The following SHANK2 variants were observed in gnomAD, a reference collection of about 807,000 sequenced individuals.
SHANK2 encodes SH3 and multiple ankyrin repeat domains 2, also known as SH3 and multiple ankyrin repeat domains protein 2.
In SHANK2, 43 loss-of-function variants were observed where a neutral mutation model predicts 133.7. The observed-to-expected ratio is 0.32, with a 90% CI of 0.25 to 0.41. SHANK2 has a LOEUF of 0.41. Ranked by LOEUF, SHANK2 falls within the 10% of genes least tolerant of loss-of-function variation. SHANK2 has a pLI of 1.00. For missense variants in SHANK2, 1,994 were observed against 2,235.8 expected (o/e 0.89, Z 2.18); for synonymous variants, 1,017 against 952.8 (o/e 1.07, Z -1.24).
chr11:70,841,186 G>A (rs888804019), intron 11 of SHANK2, among the ~76,000 whole-genome samples: 3 of 152,158 alleles, frequency 2.0e-5, no homozygotes, highest in Non-Finnish European at 4.4e-5. Context: ...CAGGAGAATC[G>A]CTTGAACCTG....
chr11:70,791,825 G>C (rs1947792099), intron 14 of SHANK2, among the ~76,000 whole-genome samples: 2 of 152,194 alleles, frequency 1.3e-5, no homozygotes. Flanking sequence ...CTATCTGTGT[G>C]CTCCGACATG....
At chr11:70,933,066 A>G (rs1950523491) in intron 10 of SHANK2, 2 of 454,034 alleles carry the variant, frequency 4.4e-6, no homozygotes, top group Non-Finnish European at 8.9e-6. Context: ...TTGCACACTC[A>G]TGTCCACAGC....
intron 2 of SHANK2, among the ~76,000 whole-genome samples, chr11:71,171,048 A>G (rs542154597): frequency 3.2e-4 from 48 of 152,326 alleles, no homozygotes; most frequent in Admixed American, 7.8e-4. Context: ...CCTGGCTCGT[A>G]GACGGCCAAC....
At chr11:70,926,786 C>T (rs911288952) in intron 10 of SHANK2, among the ~76,000 whole-genome samples, 1 of 152,236 alleles carries the variant, frequency 6.6e-6, no homozygotes, top group Non-Finnish European at 1.5e-5. Context: ...GTGAATAACT[C>T]TGAAGGCGCA....
chr11:70,526,010 C>G (rs1289155451), intron 17 of SHANK2, among the ~76,000 whole-genome samples: 4 of 124,798 alleles, frequency 3.2e-5, no homozygotes, highest in African/African-American at 1.2e-4. Flanking sequence ...CCCCACCCAC[C>G]TTTTCAATTC....
chr11:70,907,050 G>A (rs574156927), intron 10 of SHANK2, among the ~76,000 whole-genome samples: 3 of 152,200 alleles, frequency 2.0e-5, no homozygotes, highest in African/African-American at 7.2e-5. Flanking sequence ...ATAGAGCCAG[G>A]GCTGACTCAA....
At chr11:71,218,299 T>C (rs1555120407) in intron 2 of SHANK2, among the ~76,000 whole-genome samples, 1 of 149,930 alleles carries the variant, frequency 6.7e-6, no homozygotes, top group East Asian at 2.0e-4. Flanking sequence ...AGTTTTGCTC[T>C]TCTTGCCCAC....
chr11:70,906,432 T>A (rs2135706932), intron 10 of SHANK2, among the ~76,000 whole-genome samples: 1 of 152,210 alleles, frequency 6.6e-6, no homozygotes, highest in South Asian at 2.1e-4. Flanking sequence ...TCTCTCCTCA[T>A]CACTTGCTCA....
At chr11:70,941,217 T>A (rs539617126) in intron 10 of SHANK2, among the ~76,000 whole-genome samples, 1 of 152,272 alleles carries the variant, frequency 6.6e-6, no homozygotes, top group South Asian at 2.1e-4. Context: ...ATACACGTAG[T>A]CCTCTCTCCC....
At chr11:70,729,438 C>T (rs1555031518) in intron 14 of SHANK2, among the ~76,000 whole-genome samples, 1 of 151,842 alleles carries the variant, frequency 6.6e-6, no homozygotes, top group African/African-American at 2.4e-5. Flanking sequence ...CTTTTGGGAT[C>T]TAAAAGTATT....
chr11:70,506,936 C>T (rs782092922), intron 17 of SHANK2, among the ~76,000 whole-genome samples: 1 of 152,240 alleles, frequency 6.6e-6, no homozygotes, highest in Non-Finnish European at 1.5e-5. Flanking sequence ...TAGGATGTTC[C>T]CTTTGGTCCC....
At chr11:71,103,953 C>A (rs1555097247) in intron 6 of SHANK2, among the ~76,000 whole-genome samples, 1 of 150,094 alleles carries the variant, frequency 6.7e-6, no homozygotes, top group South Asian at 2.1e-4. Context: ...CTTGCTTTTG[C>A]CATGCAATGC....
chr11:71,070,272 A>AAGG (rs1466836801), intron 9 of SHANK2, among the ~76,000 whole-genome samples: 78 of 152,260 alleles, frequency 5.1e-4, no homozygotes, highest in African/African-American at 1.8e-3. Flanking sequence ...CTAGAACCCT[A>AAGG]AGGAGGAGTA....
intron 2 of SHANK2, among the ~76,000 whole-genome samples, chr11:71,186,525 G>A (rs1953675678): frequency 1.3e-5 from 2 of 152,334 alleles, no homozygotes; most frequent in African/African-American, 4.8e-5. Context: ...AGGGCACCGT[G>A]TGCCCACAGC....
chr11:70,785,193 A>G (rs1947622061), intron 14 of SHANK2, among the ~76,000 whole-genome samples: 1 of 152,124 alleles, frequency 6.6e-6, no homozygotes, highest in South Asian at 2.1e-4. Context: ...AGGGGACAGG[A>G]GACCTGCACA....
chr11:70,698,632 G>C (rs1945451419), intron 15 of SHANK2, 56 bp downstream of exon 15: 2 of 718,062 alleles, frequency 2.8e-6, no homozygotes, highest in South Asian at 3.0e-5. Flanking sequence ...AGCATTTGCA[G>C]CACAGACGAA....
In SHANK2 at chr11:70,485,819, C is replaced by T. The variant is rs1262197152; in HGVS notation, c.4474G>A (p.Glu1492Lys). The change falls in exon 25 of 26, where the codon GAG becomes AAG. Residue 1492 changes from glutamate to lysine, a missense_variant. Coordinates refer to ENST00000601538, the MANE Select transcript of SHANK2 (RefSeq NM_012309.5). The surrounding 1 kb of genome is among the most constrained non-coding windows in gnomAD (Gnocchi z 5.8). Reference sequence around the variant, plus strand: ...CTGCTACTCCGGCTGTCCACCTCCTCGATCCCAGAGTCGGCGACGGCGTCA... The same window carrying T: ...CTGCTACTCCGGCTGTCCACCTCCTTGATCCCAGAGTCGGCGACGGCGTCA... ...SFDAVADSGIEEVDSRSSSDH... is the reference protein window; with the variant it reads ...SFDAVADSGIKEVDSRSSSDH... 1.2e-6 allele frequency: 2 copies of T among 1,613,852 alleles called. No individual in the cohort carries two copies. The highest frequency in any genetic ancestry group is 1.1e-5 in the South Asian group (1 of 91,076).
intron 14 of SHANK2, among the ~76,000 whole-genome samples, chr11:70,766,073 T>C (rs958444466): frequency 5.3e-5 from 8 of 152,254 alleles, no homozygotes; most frequent in Non-Finnish European, 8.8e-5. Context: ...ATGTTATGGC[T>C]GATCATCCAT....
intron 11 of SHANK2, among the ~76,000 whole-genome samples, chr11:70,891,056 T>G (rs1013642607): frequency 6.6e-6 from 1 of 152,144 alleles, no homozygotes; most frequent in Non-Finnish European, 1.5e-5. Flanking sequence ...ACCTGCCATT[T>G]CAGGTACCTG....
Sources: allele counts gnomAD v4.1 joint callset (sites outside exome capture counted in the v4.1 genomes callset), GRCh38; gene constraint gnomAD v4.1.1; non-coding constraint Gnocchi (gnomAD v3.1); transcripts MANE v1.5; gene names NCBI Gene and HGNC (gene_info 2026-07-23, HGNC 2026-07-21).